The following GRID2 variants were observed in gnomAD, a reference collection of about 807,000 sequenced individuals.
The protein encoded by GRID2 is glutamate receptor ionotropic, delta-2.
In GRID2, 33 loss-of-function variants were observed where a neutral mutation model predicts 114.8. The observed-to-expected ratio is 0.29, with a 90% CI of 0.22 to 0.38. GRID2 has a LOEUF of 0.38. GRID2 is among the 10% of genes least tolerant of loss of function. The probability of loss-of-function intolerance (pLI) is 1.00; values close to 1 mark genes in which losing one functional copy is unlikely to be tolerated. For synonymous variants in GRID2, 505 were observed against 449.9 expected (o/e 1.12, Z -1.55); for missense variants, 1,184 against 1,257.7 (o/e 0.94, Z 0.89).
At chr4:93,738,340 A>T (rs544061159) in intron 14 of GRID2, among the ~76,000 whole-genome samples, 15 of 152,276 alleles carry the variant, frequency 9.9e-5, no homozygotes, top group Middle Eastern at 3.4e-3. Context: ...ACATGATCCG[A>T]TTTAGTTTTG....
intron 13 of GRID2, among the ~76,000 whole-genome samples, chr4:93,608,113 CACAT>C (rs1459931349): frequency 8.1e-5 from 12 of 148,942 alleles, no homozygotes; most frequent in Non-Finnish European, 1.2e-4. Context: ...TATACACACA[CACAT>C]ATATGTGTAT....
intron 2 of GRID2, among the ~76,000 whole-genome samples, chr4:92,792,672 G>C (rs1324581084): frequency 1.3e-5 from 2 of 151,786 alleles, no homozygotes; most frequent in Non-Finnish European, 2.9e-5. Flanking sequence ...AACAAAGTTT[G>C]TGATACTATA....
At chr4:92,492,376 G>A (rs1230957666) in intron 1 of GRID2, among the ~76,000 whole-genome samples, 1 of 152,072 alleles carries the variant, frequency 6.6e-6, no homozygotes, top group Admixed American at 6.6e-5. Context: ...ACAATTTTTT[G>A]ACAAAATGAT....
At chr4:92,545,651 C>G (rs1052038291) in intron 1 of GRID2, among the ~76,000 whole-genome samples, 3 of 152,132 alleles carry the variant, frequency 2.0e-5, no homozygotes, top group African/African-American at 7.2e-5. Context: ...TGTTTTCTGT[C>G]TCTGTATGTT....
At chr4:92,771,701 T>G (rs62310239) in intron 2 of GRID2, among the ~76,000 whole-genome samples, 13,262 of 152,178 alleles carry the variant, frequency 0.087, 673 homozygotes, top group African/African-American at 0.14. Context: ...AACAGAAAAA[T>G]ATTTTCTAAG....
At chr4:92,614,154 G>A (rs759917964) in intron 2 of GRID2, among the ~76,000 whole-genome samples, 4 of 151,244 alleles carry the variant, frequency 2.6e-5, no homozygotes, top group African/African-American at 4.8e-5. Flanking sequence ...CTGTAATTAC[G>A]TGTGCTTTGA....
intron 4 of GRID2, among the ~76,000 whole-genome samples, chr4:93,138,429 A>G (rs1194286697): frequency 6.6e-6 from 1 of 152,182 alleles, no homozygotes. Context: ...GTACCACTAA[A>G]GCTTCATTAA....
At chr4:92,417,296 T>C (rs532336956) in intron 1 of GRID2, among the ~76,000 whole-genome samples, 4 of 152,246 alleles carry the variant, frequency 2.6e-5, no homozygotes, top group South Asian at 4.1e-4. Flanking sequence ...AGAAGGGCTA[T>C]GAAAATAAAA....
At chr4:92,680,486 A>G (rs1258739050) in intron 2 of GRID2, among the ~76,000 whole-genome samples, 2 of 152,164 alleles carry the variant, frequency 1.3e-5, no homozygotes, top group African/African-American at 2.4e-5. Context: ...TATTTTTAAA[A>G]GAGGTCTCCC....
At chr4:92,938,497 T>A (rs1235909944) in intron 2 of GRID2, among the ~76,000 whole-genome samples, 1 of 146,836 alleles carries the variant, frequency 6.8e-6, no homozygotes, top group Middle Eastern at 3.3e-3. Flanking sequence ...TTGAGATGGT[T>A]AAAGTACAGT....
intron 1 of GRID2, among the ~76,000 whole-genome samples, chr4:92,343,332 A>G (rs1252924592): frequency 6.6e-6 from 1 of 151,740 alleles, no homozygotes; most frequent in African/African-American, 2.4e-5. Flanking sequence ...TTTACATACT[A>G]TACATAAACA....
At chr4:93,433,728 T>C (rs1720802178) in intron 10 of GRID2, among the ~76,000 whole-genome samples, 1 of 152,224 alleles carries the variant, frequency 6.6e-6, no homozygotes, top group South Asian at 2.1e-4. Flanking sequence ...GTAGCTAATG[T>C]CAATAGAACT....
At chr4:93,717,901 G>C (rs1729039265) in intron 14 of GRID2, among the ~76,000 whole-genome samples, 1 of 152,116 alleles carries the variant, frequency 6.6e-6, no homozygotes, top group African/African-American at 2.4e-5. Context: ...TTATAATAGA[G>C]TAAGAAACAT....
intron 14 of GRID2, among the ~76,000 whole-genome samples, chr4:93,626,901 A>G (rs1305177933): frequency 6.6e-6 from 1 of 152,212 alleles, no homozygotes; most frequent in Non-Finnish European, 1.5e-5. Context: ...TTCAAAGGAA[A>G]TGGTTAAGAT....
intron 2 of GRID2, among the ~76,000 whole-genome samples, chr4:92,957,539 T>C (rs1752501246): frequency 6.6e-6 from 1 of 152,142 alleles, no homozygotes; most frequent in Non-Finnish European, 1.5e-5. Flanking sequence ...TACCACACTC[T>C]CTTGACCACT....
Position 92,440,192 on chromosome 4 carries a change from G to A in GRID2, c.88+135448G>A, listed in dbSNP as rs1326759031. On this transcript the variant is annotated intron_variant, in intron 1 of 15. Coordinates refer to ENST00000282020, the MANE Select transcript of GRID2 (RefSeq NM_001510.4). ...TGTGTTTTTAAAAGACCTTTAGTCCGTTCTACTTTTCTTGAAGACGGAGGA... is the reference window on the plus strand; with the variant it reads ...TGTGTTTTTAAAAGACCTTTAGTCCATTCTACTTTTCTTGAAGACGGAGGA... 7.6e-3 allele frequency among the ~76,000 whole-genome samples: 1,106 copies of A among 146,112 alleles called. 46 individuals are homozygous for A. The highest frequency in any genetic ancestry group is 0.025 in the African/African-American group (1,032 of 41,094).
At chr4:92,556,352 TATAA>T (rs571308152) in intron 1 of GRID2, among the ~76,000 whole-genome samples, 5 of 152,154 alleles carry the variant, frequency 3.3e-5, no homozygotes, top group Non-Finnish European at 7.4e-5. Flanking sequence ...AGATATAAAC[TATAA>T]ATAAATACAT....
At chr4:92,908,387 GTTCT>G (rs1748114610) in intron 2 of GRID2, among the ~76,000 whole-genome samples, 1 of 152,000 alleles carries the variant, frequency 6.6e-6, no homozygotes, top group Non-Finnish European at 1.5e-5. Context: ...AAAAATTAGA[GTTCT>G]TATTTTGTAG....
intron 2 of GRID2, among the ~76,000 whole-genome samples, chr4:92,779,788 G>A (rs1387270173): frequency 6.6e-6 from 1 of 152,100 alleles, no homozygotes; most frequent in Non-Finnish European, 1.5e-5. Flanking sequence ...AATAAAGTCA[G>A]GGCTTTGTTA....
Sources: allele counts gnomAD v4.1 joint callset (sites outside exome capture counted in the v4.1 genomes callset), GRCh38; gene constraint gnomAD v4.1.1; transcripts MANE v1.5; gene names NCBI Gene and HGNC (gene_info 2026-07-23, HGNC 2026-07-21).